The following PCDH9 variants were observed in gnomAD, a reference collection of about 807,000 sequenced individuals.
PCDH9 encodes the protein protocadherin 9.
A neutral mutation model predicts 70.6 loss-of-function variants in PCDH9; 24 were observed. The observed-to-expected ratio is 0.34, with a 90% CI of 0.25 to 0.48. The LOEUF (loss-of-function observed/expected upper bound fraction) is 0.48, where lower values mean the gene tolerates loss of function less well. PCDH9 is among the 20% of genes least tolerant of loss of function. PCDH9 has a pLI of 0.99. For missense variants in PCDH9, 1,281 were observed against 1,503.6 expected (o/e 0.85, Z 2.45); for synonymous variants, 562 against 558.5 (o/e 1.01, Z -0.09).
chr13:66,811,151 T>G (rs1055885391), intron 3 of PCDH9, among the ~76,000 whole-genome samples: 2 of 152,154 alleles, frequency 1.3e-5, no homozygotes, highest in African/African-American at 4.8e-5. Context: ...AGTAAAAAAA[T>G]TGTTAAAACT....
intron 4 of PCDH9, among the ~76,000 whole-genome samples, chr13:66,392,836 T>C (rs913688787): frequency 2.0e-5 from 3 of 151,632 alleles, no homozygotes; most frequent in Admixed American, 6.6e-5. Context: ...GCAAGCAGCA[T>C]ATTGCTTTTA....
intron 3 of PCDH9, among the ~76,000 whole-genome samples, chr13:66,716,588 G>A (rs532716070): frequency 4.6e-5 from 7 of 152,204 alleles, no homozygotes; most frequent in African/African-American, 1.7e-4. Context: ...CACATTATAG[G>A]CAGTTTTGCT....
At chr13:66,314,820 C>T (rs1336041018) in intron 4 of PCDH9, among the ~76,000 whole-genome samples, 1 of 152,182 alleles carries the variant, frequency 6.6e-6, no homozygotes, top group Non-Finnish European at 1.5e-5. Flanking sequence ...TATTTTCACC[C>T]TAATCTCTGC....
At chr13:66,397,604 CAT>C (rs1159700059) in intron 4 of PCDH9, among the ~76,000 whole-genome samples, 4 of 150,834 alleles carry the variant, frequency 2.7e-5, no homozygotes, top group South Asian at 2.1e-4. Context: ...TGCATTTGTA[CAT>C]ATATGTGTAT....
intron 2 of PCDH9, chr13:66,990,847 T>C (rs1279469216): frequency 6.6e-6 from 1 of 151,814 alleles, no homozygotes; most frequent in Non-Finnish European, 1.5e-5. Flanking sequence ...TTATCCAAAC[T>C]TTGACAAAAA....
intron 4 of PCDH9, among the ~76,000 whole-genome samples, chr13:66,326,795 T>C (rs1009415517): frequency 1.3e-5 from 2 of 152,036 alleles, no homozygotes; most frequent in Admixed American, 1.3e-4. Flanking sequence ...TTTATCCAAT[T>C]TTTAAGCTTT....
At chr13:66,763,934 G>A (rs924094432) in intron 3 of PCDH9, among the ~76,000 whole-genome samples, 4 of 151,896 alleles carry the variant, frequency 2.6e-5, no homozygotes, top group African/African-American at 9.7e-5. Flanking sequence ...AAGTAGCTGG[G>A]ATTACAGGTG....
chr13:66,553,191 A>G (rs1194158690), intron 4 of PCDH9, among the ~76,000 whole-genome samples: 1 of 152,140 alleles, frequency 6.6e-6, no homozygotes, highest in African/African-American at 2.4e-5. Flanking sequence ...CCAAAACAAA[A>G]AATCACTAAC....
rs1158663165 is a variant in PCDH9 at position 66,713,623 on chromosome 13, GTGTATATA to G, written c.3139-82220_3139-82213del. 1.9e-4 allele frequency among the ~76,000 whole-genome samples: 18 copies of G among 93,020 alleles called. 2 individuals carry two copies. The highest frequency in any genetic ancestry group is 7.7e-4 in the Admixed American group (6 of 7,778). 61.0% of individuals were successfully genotyped at this position (93,020 alleles called of 152,430 possible). A position where few individuals can be genotyped will look rare whatever the true frequency, so the allele number is the denominator to read the frequency against. On this transcript the variant is annotated intron_variant, in intron 3 of 4. Coordinates refer to ENST00000377865, the MANE Select transcript of PCDH9 (RefSeq NM_203487.3). The stretch of plus-strand genomic sequence containing the variant: ...GTATATATATATAAAGTGTGTGTGT[GTGTATATA>G]TATATATATATATATATATATAATG...
At chr13:66,695,250 A>G (rs990309689) in intron 3 of PCDH9, among the ~76,000 whole-genome samples, 1 of 152,212 alleles carries the variant, frequency 6.6e-6, no homozygotes, top group African/African-American at 2.4e-5. Context: ...CAGTTTAAAT[A>G]TGGGAGTCAA....
At chr13:66,613,194 GCAGCAGAGCCGGCTGTTTGGAA>G (rs2077314221) in intron 4 of PCDH9, among the ~76,000 whole-genome samples, 1 of 152,110 alleles carries the variant, frequency 6.6e-6, no homozygotes, top group Non-Finnish European at 1.5e-5. Context: ...GTCGAAGAGT[GCAGCAGAGCCGGCTGTTTGGAA>G]CCAGCCATTC....
rs542436413 is a variant in PCDH9 at position 66,304,183 on chromosome 13, A to G, written c.*472T>C. The stretch of plus-strand genomic sequence containing the variant: ...GTCCACTAACGTTGTTAACAGCACA[A>G]TAGGTTTAATGCTTATCTCTTTAAG... On this transcript the variant is annotated 3_prime_UTR_variant, in exon 5 of 5. Coordinates refer to ENST00000377865, the MANE Select transcript of PCDH9 (RefSeq NM_203487.3). 2 of 147,532 alleles carry G rather than the reference A, an allele frequency of 1.4e-5. No individual in the cohort carries two copies. The highest frequency in any genetic ancestry group is 2.5e-5 in the African/African-American group (1 of 39,690). 9.1% of individuals were successfully genotyped at this position (147,532 alleles called of 1,614,324 possible).
At chr13:67,194,686 C>A (rs1466265755) in intron 2 of PCDH9, among the ~76,000 whole-genome samples, 1 of 152,024 alleles carries the variant, frequency 6.6e-6, no homozygotes, top group African/African-American at 2.4e-5. Flanking sequence ...TTAAAATTTG[C>A]AGTTTGAAGT....
chr13:66,699,986 A>G (rs543689074), intron 3 of PCDH9, among the ~76,000 whole-genome samples: 25 of 152,232 alleles, frequency 1.6e-4, no homozygotes, highest in African/African-American at 5.3e-4. Flanking sequence ...TGTTACCTAT[A>G]AAAAATTATA....
chr13:67,136,630 G>A (rs920881435), intron 2 of PCDH9, among the ~76,000 whole-genome samples: 4 of 152,114 alleles, frequency 2.6e-5, no homozygotes, highest in Non-Finnish European at 5.9e-5. Context: ...GTGTAGTTCA[G>A]GCAGATATTA....
At chr13:67,175,012 T>G (rs925750947) in intron 2 of PCDH9, among the ~76,000 whole-genome samples, 3 of 149,092 alleles carry the variant, frequency 2.0e-5, no homozygotes, top group Non-Finnish European at 4.4e-5. Flanking sequence ...GGTACAAGCC[T>G]ATAGTCCCAG....
intron 4 of PCDH9, among the ~76,000 whole-genome samples, chr13:66,322,936 T>A (rs1003974574): frequency 1.3e-5 from 2 of 152,080 alleles, no homozygotes; most frequent in Non-Finnish European, 2.9e-5. Context: ...CTAATCATAC[T>A]TAACAGAAAA....
intron 2 of PCDH9, among the ~76,000 whole-genome samples, chr13:67,191,373 C>T (rs78031785): frequency 6.6e-6 from 1 of 152,172 alleles, no homozygotes; most frequent in East Asian, 1.9e-4. Flanking sequence ...ATATTATTGG[C>T]TCTCAATAAA....
chr13:66,886,355 C>A (rs2082004759), intron 3 of PCDH9, among the ~76,000 whole-genome samples: 1 of 152,078 alleles, frequency 6.6e-6, no homozygotes, highest in African/African-American at 2.4e-5. Context: ...GCAAAACAAG[C>A]AGAGTTAAAA....
Sources: allele counts gnomAD v4.1 joint callset (sites outside exome capture counted in the v4.1 genomes callset), GRCh38; gene constraint gnomAD v4.1.1; transcripts MANE v1.5; gene names NCBI Gene and HGNC (gene_info 2026-07-23, HGNC 2026-07-21).